The following NUP133 variants were observed in gnomAD, a reference collection of about 807,000 sequenced individuals.
NUP133 encodes the protein nucleoporin 133.
In NUP133, 66 loss-of-function variants were observed where a neutral mutation model predicts 146.2. That is an observed-to-expected ratio of 0.45 (90% CI 0.37 to 0.55). The LOEUF is 0.55. Among genes scored for constraint, NUP133 ranks in the 20% least tolerant of loss-of-function variants. NUP133 has a pLI of 0.00. For missense variants in NUP133, 1,277 were observed against 1,374.8 expected, an observed-to-expected ratio of 0.93 and a Z score of 1.12; for synonymous variants, 521 against 498.8, an observed-to-expected ratio of 1.04 and a Z score of -0.59.
intron 20 of NUP133, among the ~76,000 whole-genome samples, chr1:229,458,965 A>G (rs767675357): frequency 2.6e-5 from 4 of 152,178 alleles, no homozygotes; most frequent in Non-Finnish European, 4.4e-5. Context: ...AAATAGGAGT[A>G]CACATTCTAA....
chr1:229,451,354 G>A (rs995855654), intron 22 of NUP133, among the ~76,000 whole-genome samples: 6 of 152,022 alleles, frequency 3.9e-5, no homozygotes, highest in Non-Finnish European at 8.8e-5. Flanking sequence ...AGCTGTGACA[G>A]GGCCACTGCA....
At position 229,495,497 on chromosome 1, in the gene NUP133, G is replaced by T. The variant is rs753887134; in HGVS notation, c.1044C>A (p.Asn348Lys). 2.5e-6 allele frequency: 4 copies of T among 1,607,492 alleles called. No homozygotes were observed. The highest frequency in any genetic ancestry group is 3.4e-6 in the Non-Finnish European group (4 of 1,174,878). Residue 348 changes from asparagine (N) to lysine (K), a missense_variant and splice_region_variant, in exon 8 of 26, where the codon AAC becomes AAA. Transcript: ENST00000261396. ...VNIRYLDLKQNCDGLVILAAA... is the reference protein window; with the variant it reads ...VNIRYLDLKQKCDGLVILAAA... The stretch of plus-strand genomic sequence containing the variant: ...TTTACGACAAATTAATTGCTTACCA[G>T]TTTTGCTTCAAGTCCAAATATCGAA...
In NUP133 at chr1:229,498,246, A is replaced by G; in HGVS notation, c.709T>C (p.Ser237Pro). Residue 237 changes from serine to proline, a missense_variant, in exon 6 of 26, where the codon TCA becomes CCA. Ser to Pro is a moderately conservative substitution (Grantham distance 74). Transcript: ENST00000261396. ...SQLIRLIPES[S>P]GKIHQHILPQ... ...AGGATATGCTGATGAATCTTTCCTG[A>G]GCTCTCAGGTATCAACCGAATTAGT... 1.2e-6 allele frequency: 2 copies of G among 1,611,138 alleles called. No homozygotes were observed. The highest frequency in any genetic ancestry group is 1.7e-6 in the Non-Finnish European group (2 of 1,179,260).
chr1:229,473,934 A>G (rs1661013739), intron 14 of NUP133, among the ~76,000 whole-genome samples: 1 of 152,214 alleles, frequency 6.6e-6, no homozygotes, highest in Admixed American at 6.5e-5. Context: ...CACACATACA[A>G]AAAAAGAGGT....
chr1:229,487,211 T>C (rs1448720508), intron 10 of NUP133, among the ~76,000 whole-genome samples: 1 of 152,196 alleles, frequency 6.6e-6, no homozygotes, highest in Non-Finnish European at 1.5e-5. Context: ...CTCTTGGCAA[T>C]AGTTTTTTGC....
chr1:229,449,874 T>TATATATATATATATA lies in NUP133; in HGVS notation c.3180+650_3180+651insTATATATATATATAT, dbSNP rs1491123491. On this transcript the variant is annotated intron_variant, in intron 23 of 25. Coordinates refer to ENST00000261396, the MANE Select transcript of NUP133 (RefSeq NM_018230.3). ...TTTTATATATATATATATATATATA[T>TATATATATATATATA]TTTTTTTTTTTTTTTTTTTTTTTTT... Among the ~76,000 whole-genome samples, 105 of 77,962 alleles carry TATATATATATATATA rather than the reference T, an allele frequency of 1.3e-3. 1 individual carries two copies. Among genetic ancestry groups the TATATATATATATATA allele is most frequent in the African/African-American group, 3.7e-3 (70 of 18,740 alleles). The allele number at this position is 77,962 out of a possible 152,430, so 51.1% of individuals were successfully genotyped here.
intron 10 of NUP133, among the ~76,000 whole-genome samples, chr1:229,486,982 T>C (rs1200496025): frequency 1.3e-5 from 2 of 151,378 alleles, no homozygotes; most frequent in African/African-American, 2.4e-5. Context: ...AAGGTTCTTG[T>C]GCTGGGACTA....
intron 6 of NUP133, among the ~76,000 whole-genome samples, chr1:229,496,318 C>CA (rs1300135560): frequency 6.6e-6 from 1 of 151,892 alleles, no homozygotes; most frequent in Non-Finnish European, 1.5e-5. Context: ...CACTAAAATA[C>CA]AAAAAAGTAG....
At chr1:229,468,234 CCAAT>C (rs1660868699) in intron 15 of NUP133, among the ~76,000 whole-genome samples, 2 of 152,228 alleles carry the variant, frequency 1.3e-5, no homozygotes, top group South Asian at 4.1e-4. Flanking sequence ...ATATGGCCCA[CCAAT>C]CAGAGATTGA....
chr1:229,466,803 G>T (rs775355342), intron 15 of NUP133, 47 bp from the exon 16 acceptor site: 4 of 1,599,364 alleles, frequency 2.5e-6, no homozygotes, highest in Non-Finnish European at 3.4e-6. Context: ...AAATTATGGT[G>T]ATGGGTAACA....
chr1:229,454,209 GT>G lies in NUP133; in HGVS notation c.2981-1567del, dbSNP rs144434311. The stretch of plus-strand genomic sequence containing the variant: ...ATTGGATGAGGTAACAGGGGCTTCT[GT>G]TTGCCATAAACTCTCCAGGTTGCAG... On this transcript the variant is annotated intron_variant, in intron 21 of 25. Coordinates refer to ENST00000261396, the MANE Select transcript of NUP133 (RefSeq NM_018230.3). 9.0e-3 allele frequency among the ~76,000 whole-genome samples: 1,377 copies of G among 152,294 alleles called. 20 individuals carry two copies. Among genetic ancestry groups the G allele is most frequent in the African/African-American group, 0.031 (1,301 of 41,534 alleles).
At position 229,502,117 on chromosome 1, in the gene NUP133, G is replaced by A; in HGVS notation, c.302-15C>T. 1 of 1,573,688 alleles carries A rather than the reference G, an allele frequency of 6.4e-7. No individual in the cohort carries two copies. The highest frequency in any genetic ancestry group is 2.2e-5 in the East Asian group (1 of 44,662). On this transcript the variant is annotated splice_polypyrimidine_tract_variant and intron_variant, in intron 2 of 25. Coordinates refer to ENST00000261396, the MANE Select transcript of NUP133 (RefSeq NM_018230.3). ...CTGGTCATCGACTAAAGGAAAAAAT[G>A]AGGTGGGTGATTAATCTTATAGTAT...
chr1:229,464,635 A>G lies in NUP133; in HGVS notation c.2540T>C (p.Leu847Ser), dbSNP rs1229166162. 3 of 1,614,182 alleles carry G rather than the reference A, an allele frequency of 1.9e-6. No homozygotes were observed. Among genetic ancestry groups the G allele is most frequent in the Non-Finnish European group, 1.7e-6 (2 of 1,179,976 alleles). ...MEYLQKRSDL[L>S]SPLLSLGQYL... ...TATCATGAACTTACGAAGAGGAGAT[A>G]AGAGATCTGATCTTTTCTGTAGGTA... The change falls in exon 18 of 26, where the codon TTA (leucine) becomes TCA (serine). Residue 847 changes from leucine to serine, a missense_variant. Coordinates refer to ENST00000261396, the MANE Select transcript of NUP133 (RefSeq NM_018230.3).
chr1:229,472,023 AT>A (rs1331741628), intron 14 of NUP133, among the ~76,000 whole-genome samples: 1 of 152,174 alleles, frequency 6.6e-6, no homozygotes, highest in Non-Finnish European at 1.5e-5. Flanking sequence ...CCTCAAAAAT[AT>A]TTTAGGTGTA....
At position 229,470,813 on chromosome 1, in the gene NUP133, A is replaced by C; in HGVS notation, c.1852-9T>G. 6.2e-7 allele frequency: 1 copy of C among 1,611,562 alleles called. No homozygotes were observed. Among genetic ancestry groups the C allele is most frequent in the South Asian group, 1.1e-5 (1 of 91,006 alleles). ...CGTCCAAATAAGCCAACCTTGCAAA[A>C]AGGCAAACACATATTCTCAGAAAGC... On this transcript the variant is annotated splice_polypyrimidine_tract_variant and intron_variant, in intron 14 of 25. Coordinates refer to ENST00000261396, the MANE Select transcript of NUP133 (RefSeq NM_018230.3).
chr1:229,455,162 T>A (rs1660533888), intron 21 of NUP133, among the ~76,000 whole-genome samples: 1 of 152,210 alleles, frequency 6.6e-6, no homozygotes, highest in Non-Finnish European at 1.5e-5. Flanking sequence ...TAAACCCAGA[T>A]CTTAGGCTGG....
intron 17 of NUP133, 141 bp downstream of exon 17, chr1:229,465,279 T>C: frequency 1.5e-6 from 1 of 674,466 alleles, no homozygotes. Context: ...AATAAAGTGA[T>C]TTTGACAAGA....
intron 21 of NUP133, among the ~76,000 whole-genome samples, chr1:229,457,812 C>T (rs1050919644): frequency 9.9e-5 from 15 of 152,132 alleles, no homozygotes; most frequent in Admixed American, 2.6e-4. Flanking sequence ...AATTATTGCA[C>T]CTATACCACA....
intron 11 of NUP133, among the ~76,000 whole-genome samples, chr1:229,486,125 C>A (rs1661340442): frequency 6.6e-6 from 1 of 152,058 alleles, no homozygotes; most frequent in African/African-American, 2.4e-5. Flanking sequence ...TATGATTATG[C>A]CACTGCACTC....
Sources: allele counts gnomAD v4.1 joint callset (sites outside exome capture counted in the v4.1 genomes callset), GRCh38; gene constraint gnomAD v4.1.1; transcripts MANE v1.5; gene names NCBI Gene and HGNC (gene_info 2026-07-23, HGNC 2026-07-21).